Variants in FAR1 observed in about 807,000 individuals in gnomAD.
FAR1 encodes the protein male sterility domain-containing protein 2.
A neutral mutation model predicts 61.1 loss-of-function variants in FAR1; 22 were observed. That is an observed-to-expected ratio of 0.36 (90% CI 0.26 to 0.51). The LOEUF is 0.51. Among genes scored for constraint, FAR1 ranks in the 20% least tolerant of loss-of-function variants. The pLI, the probability that FAR1 is intolerant of heterozygous loss-of-function variation, is 0.95. For synonymous variants in FAR1, 206 were observed against 209.7 expected (o/e 0.98, Z 0.15); for missense variants, 359 against 626.9 (o/e 0.57, Z 4.56).
intron 1 of FAR1, among the ~76,000 whole-genome samples, chr11:13,674,809 G>A (rs960008391): frequency 6.6e-6 from 1 of 152,176 alleles, no homozygotes; most frequent in African/African-American, 2.4e-5. Flanking sequence ...AGAATGAAAC[G>A]TGTTTAGTAA....
At chr11:13,688,118 A>T (rs1018866297) in intron 1 of FAR1, among the ~76,000 whole-genome samples, 9 of 152,178 alleles carry the variant, frequency 5.9e-5, no homozygotes, top group Admixed American at 2.0e-4. Context: ...AATTAAAAAA[A>T]TTTGAAAATA....
At chr11:13,727,721 C>A in intron 11 of FAR1, 38 bp downstream of exon 11, 2 of 1,549,356 alleles carry the variant, frequency 1.3e-6, no homozygotes, top group South Asian at 1.2e-5. Flanking sequence ...TTCTTGTCTT[C>A]CTTATGAAAT....
Position 13,700,388 on chromosome 11 carries a change from C to T in FAR1, c.261C>T (p.Thr87=). The T allele has an allele frequency of 1.2e-6, 2 of 1,602,892 alleles. No homozygotes were observed. The highest frequency in any genetic ancestry group is 1.7e-6 in the Non-Finnish European group (2 of 1,176,120). Residue 87 remains threonine (T), a synonymous_variant, in exon 3 of 12, where the codon ACC becomes ACT. Coordinates refer to ENST00000354817, the MANE Select transcript of FAR1 (RefSeq NM_032228.6). ...EKIIAINSEL[T]QPKLALSEED... ...TTATAGCAATCAACAGCGAACTCAC[C>T]CAACCTAAACTGGCTCTCAGTGAAG...
chr11:13,722,931 A>G (rs1272986448), intron 10 of FAR1, among the ~76,000 whole-genome samples: 1 of 151,138 alleles, frequency 6.6e-6, no homozygotes, highest in Non-Finnish European at 1.5e-5. Context: ...TCTCCTTATG[A>G]TCTTCTTTCT....
chr11:13,675,507 A>G (rs556966165), intron 1 of FAR1, among the ~76,000 whole-genome samples: 3 of 152,344 alleles, frequency 2.0e-5, no homozygotes, highest in African/African-American at 7.2e-5. Context: ...ACAACATGTA[A>G]TTGGCATACT....
intron 10 of FAR1, among the ~76,000 whole-genome samples, chr11:13,725,476 A>G (rs914785016): frequency 6.6e-6 from 1 of 152,096 alleles, no homozygotes; most frequent in African/African-American, 2.4e-5. Context: ...CTATTGGAAA[A>G]TAGATTAGAG....
chr11:13,686,420 C>T (rs1177164362), intron 1 of FAR1: 3 of 152,084 alleles, frequency 2.0e-5, no homozygotes, highest in African/African-American at 7.2e-5. Flanking sequence ...AAATAATCAG[C>T]TAACATTATG....
In FAR1 at chr11:13,707,930, G is replaced by A. The variant is rs146264671; in HGVS notation, c.396G>A (p.Thr132=). The change falls in exon 4 of 12, where the codon ACG becomes ACA. Residue 132 remains threonine, a synonymous_variant. Transcript: ENST00000354817. ...CTGTTCAGTTAAATGTGATTGCAACGCGACAGCTTATTCTCCTTGCACAAC... is the reference window on the plus strand; with the variant it reads ...CTGTTCAGTTAAATGTGATTGCAACACGACAGCTTATTCTCCTTGCACAAC... The part of the protein sequence containing the change: ...RDAVQLNVIA[T]RQLILLAQQM... 149 of 1,586,468 alleles carry A rather than the reference G, an allele frequency of 9.4e-5. No individual in the cohort carries two copies. Among genetic ancestry groups the A allele is most frequent in the African/African-American group, 5.2e-4 (38 of 73,564 alleles).
intron 1 of FAR1, among the ~76,000 whole-genome samples, chr11:13,669,141 C>G (rs1029071625): frequency 3.3e-5 from 5 of 152,256 alleles, no homozygotes; most frequent in Admixed American, 1.3e-4. Flanking sequence ...GGTGGTTAGC[C>G]GAGCAGCGGG....
At chr11:13,678,018 C>T (rs1848086484) in intron 1 of FAR1, among the ~76,000 whole-genome samples, 4 of 152,114 alleles carry the variant, frequency 2.6e-5, no homozygotes, top group East Asian at 3.9e-4. Flanking sequence ...CAATTGAAAA[C>T]GAAGACCAAC....
In FAR1 at chr11:13,729,720, A is replaced by C. The variant is rs1399816605; in HGVS notation, c.*946A>C. On this transcript the variant is annotated 3_prime_UTR_variant, in exon 12 of 12. Coordinates refer to ENST00000354817, the MANE Select transcript of FAR1 (RefSeq NM_032228.6). ...AAAGGCTTGTGCTATCTTTCCAGTGAAAACTGAAAGTGCATTATTATGGAA... is the reference window on the plus strand; with the variant it reads ...AAAGGCTTGTGCTATCTTTCCAGTGCAAACTGAAAGTGCATTATTATGGAA... The C allele has an allele frequency of 6.6e-6, 1 of 152,032 alleles. No individual in the cohort carries two copies. The highest frequency in any genetic ancestry group is 6.6e-5 in the Admixed American group (1 of 15,242). The allele number at this position is 152,032 out of a possible 1,614,324, so 9.4% of individuals were successfully genotyped here. A position where few individuals can be genotyped will look rare whatever the true frequency, so the allele number is the denominator to read the frequency against.
intron 1 of FAR1, among the ~76,000 whole-genome samples, chr11:13,689,730 A>G (rs1848226816): frequency 6.6e-6 from 1 of 152,132 alleles, no homozygotes; most frequent in Non-Finnish European, 1.5e-5. Context: ...GTATCATATC[A>G]ACCTGTACTT....
At chr11:13,679,171 G>T (rs989092042) in intron 1 of FAR1, among the ~76,000 whole-genome samples, 1 of 151,546 alleles carries the variant, frequency 6.6e-6, no homozygotes, top group Non-Finnish European at 1.5e-5. Flanking sequence ...TCTGTCTTTG[G>T]TAGTACAGTT....
chr11:13,716,292 T>A (rs1848555151), intron 9 of FAR1, among the ~76,000 whole-genome samples: 3 of 152,072 alleles, frequency 2.0e-5, no homozygotes, highest in Admixed American at 6.6e-5. Context: ...AGTGAATAGC[T>A]GGTTTACTAA....
intron 3 of FAR1, among the ~76,000 whole-genome samples, chr11:13,701,640 A>C (rs1392999271): frequency 1.3e-5 from 2 of 152,252 alleles, no homozygotes; most frequent in South Asian, 4.1e-4. Context: ...ACGTCAGTCA[A>C]CATTATATAA....
intron 3 of FAR1, among the ~76,000 whole-genome samples, chr11:13,706,339 G>A (rs921956939): frequency 2.0e-5 from 3 of 151,980 alleles, no homozygotes; most frequent in African/African-American, 7.2e-5. Context: ...AATTTCAACA[G>A]GTTAACTAGA....
intron 3 of FAR1, among the ~76,000 whole-genome samples, chr11:13,703,914 C>G (rs1848404959): frequency 6.6e-6 from 1 of 151,920 alleles, no homozygotes; most frequent in Admixed American, 6.6e-5. Flanking sequence ...CATGGTGGCA[C>G]ACGCCTGTAA....
intron 2 of FAR1, among the ~76,000 whole-genome samples, 198 bp downstream of exon 2, chr11:13,695,152 T>C (rs528718897): frequency 6.6e-6 from 1 of 152,326 alleles, no homozygotes; most frequent in South Asian, 2.1e-4. Context: ...AGTTTTCCTC[T>C]GTGACTGGCA....
Position 13,714,546 on chromosome 11 carries a change from C to G in FAR1, c.993C>G (p.Leu331=). The change falls in exon 9 of 12, where the codon CTC becomes CTG. Residue 331 remains leucine (L), a synonymous_variant. Transcript: ENST00000354817. ...HVISTFKRNP[L]EQAFRRPNVN... ...TTTCCACTTTCAAGAGGAATCCTCT[C>G]GAACAGGCCTTCAGACGGCCCAATG... is the stretch of plus-strand genomic sequence containing the variant. The G allele has an allele frequency of 1.2e-6, 2 of 1,612,264 alleles. No homozygotes were observed. Among genetic ancestry groups the G allele is most frequent in the Non-Finnish European group, 1.7e-6 (2 of 1,179,322 alleles).
Sources: allele counts gnomAD v4.1 joint callset (sites outside exome capture counted in the v4.1 genomes callset), GRCh38; gene constraint gnomAD v4.1.1; transcripts MANE v1.5; gene names NCBI Gene and HGNC (gene_info 2026-07-23, HGNC 2026-07-21).